ROBO1: variants seen among roughly 807,000 people sequenced by gnomAD.
The protein encoded by ROBO1 is roundabout guidance receptor 1, also known as roundabout homolog 1.
A neutral mutation model predicts 195.9 loss-of-function variants in ROBO1; 149 were observed. The ratio of observed to expected loss-of-function variants is 0.76; its 90% CI spans 0.67 to 0.87. The LOEUF (loss-of-function observed/expected upper bound fraction) is 0.87, where lower values mean the gene tolerates loss of function less well. ROBO1 is among the 40% of genes least tolerant of loss of function. The pLI is 0.00. For synonymous variants in ROBO1, 816 were observed against 733.2 expected, an observed-to-expected ratio of 1.11 and a Z score of -1.82; for missense variants, 1,933 against 2,068.3, an observed-to-expected ratio of 0.93 and a Z score of 1.27.
intron 3 of ROBO1, among the ~76,000 whole-genome samples, chr3:78,968,253 A>G (rs1355776856): frequency 6.7e-6 from 1 of 148,750 alleles, no homozygotes; most frequent in African/African-American, 2.5e-5. Context: ...ATGTCACTTT[A>G]TAGGAACTGT....
chr3:79,343,081 T>C (rs2109232137), intron 2 of ROBO1, among the ~76,000 whole-genome samples: 1 of 152,310 alleles, frequency 6.6e-6, no homozygotes, highest in Middle Eastern at 3.4e-3. Flanking sequence ...CGGAATGTCA[T>C]ATTGTTGGAA....
At chr3:79,517,716 G>A (rs1469663871) in intron 2 of ROBO1, among the ~76,000 whole-genome samples, 1 of 152,098 alleles carries the variant, frequency 6.6e-6, no homozygotes. Flanking sequence ...TTCTTGTATG[G>A]CCCAAGGTAG....
intron 2 of ROBO1, among the ~76,000 whole-genome samples, chr3:79,158,470 T>C (rs1453970142): frequency 6.6e-6 from 1 of 151,680 alleles, no homozygotes; most frequent in African/African-American, 2.4e-5. Context: ...ATTAGTAATT[T>C]CCTTTAATAC....
intron 4 of ROBO1, among the ~76,000 whole-genome samples, chr3:78,867,674 G>A (rs751913794): frequency 3.9e-5 from 6 of 152,036 alleles, no homozygotes; most frequent in East Asian, 1.9e-4. Flanking sequence ...ATTTTGCTCC[G>A]GATATCTATA....
At position 79,063,692 on chromosome 3, in the gene ROBO1, C is replaced by T. The variant is rs998892379; in HGVS notation, c.172+61764G>A. Among the ~76,000 whole-genome samples the T allele has an allele frequency of 1.1e-4, 16 of 151,784 alleles. No homozygotes were observed. The East Asian group carries it at 1.6e-3, about 15-fold the overall frequency. ...CCAATGGTGTCCTAGTTCAGCATGC[C>T]GCAGCTCCAGAGAGTTGATTGTAAA... is the stretch of plus-strand genomic sequence containing the variant. On this transcript the variant is annotated intron_variant, in intron 3 of 30. Coordinates refer to ENST00000464233, the MANE Select transcript of ROBO1 (RefSeq NM_002941.4).
At chr3:78,864,815 G>T (rs1245616032) in intron 4 of ROBO1, among the ~76,000 whole-genome samples, 3 of 151,082 alleles carry the variant, frequency 2.0e-5, no homozygotes, top group Admixed American at 1.3e-4. Context: ...AAAAAAAAAA[G>T]ATTTTTCTTT....
intron 4 of ROBO1, among the ~76,000 whole-genome samples, chr3:78,801,797 T>G (rs569297618): frequency 2.9e-4 from 44 of 152,216 alleles, no homozygotes; most frequent in African/African-American, 1.0e-3. Flanking sequence ...TCTAAATAAT[T>G]TACAAACAGG....
chr3:79,572,513 T>C (rs900832003), intron 2 of ROBO1, among the ~76,000 whole-genome samples: 1 of 152,070 alleles, frequency 6.6e-6, no homozygotes, highest in African/African-American at 2.4e-5. Context: ...GTATTGTCCA[T>C]TTATAAAATT....
chr3:78,647,722 A>C, intron 19 of ROBO1, 67 bp from the exon 20 acceptor site: 1 of 1,280,580 alleles, frequency 7.8e-7, no homozygotes, highest in Non-Finnish European at 1.1e-6. Context: ...ATATCACATT[A>C]GTATAAATCA....
At chr3:79,241,531 C>T (rs2082517244) in intron 2 of ROBO1, among the ~76,000 whole-genome samples, 1 of 151,940 alleles carries the variant, frequency 6.6e-6, no homozygotes, top group African/African-American at 2.4e-5. Flanking sequence ...TAAGTTAAAA[C>T]ATTGCCTGGC....
At position 78,614,724 on chromosome 3, in the gene ROBO1, G is replaced by A. The variant is rs775367708; in HGVS notation, c.4359C>T (p.Ala1453=). ...PVSTDSNMSA[A]VMQKTRPAKK... ...TGGCTGGTCTGGTTTTCTGCATTACGGCGGCACTCATGTTGCTGTCTGTAG... is the reference window on the plus strand; with the variant it reads ...TGGCTGGTCTGGTTTTCTGCATTACAGCGGCACTCATGTTGCTGTCTGTAG... The change falls in exon 28 of 31, where the codon GCC becomes GCT. Residue 1453 remains alanine (A), a synonymous_variant. Transcript: ENST00000464233. 13 of 1,613,270 alleles carry A rather than the reference G, an allele frequency of 8.1e-6. No homozygotes were observed. Among genetic ancestry groups the A allele is most frequent in the African/African-American group, 4.0e-5 (3 of 74,758 alleles).
intron 3 of ROBO1, among the ~76,000 whole-genome samples, chr3:79,081,049 T>C (rs2108461836): frequency 6.6e-6 from 1 of 152,146 alleles, no homozygotes; most frequent in African/African-American, 2.4e-5. Flanking sequence ...GAAGAAAATT[T>C]CCATAGAAGA....
intron 4 of ROBO1, among the ~76,000 whole-genome samples, chr3:78,847,417 T>C (rs2033741547): frequency 6.6e-6 from 1 of 152,102 alleles, no homozygotes; most frequent in African/African-American, 2.4e-5. Context: ...CTCGTGGAGA[T>C]TAGTTCCGCC....
intron 2 of ROBO1, among the ~76,000 whole-genome samples, chr3:79,135,404 C>A (rs2080385856): frequency 6.6e-6 from 1 of 151,938 alleles, no homozygotes; most frequent in African/African-American, 2.4e-5. Flanking sequence ...ATACAGTATA[C>A]AATATCAGCT....
At chr3:79,237,576 T>C (rs149847339) in intron 2 of ROBO1, among the ~76,000 whole-genome samples, 1 of 152,184 alleles carries the variant, frequency 6.6e-6, no homozygotes, top group Non-Finnish European at 1.5e-5. Flanking sequence ...GGTAAAGAGA[T>C]TGTTATGCAT....
chr3:79,290,728 T>G (rs185925315), intron 2 of ROBO1, among the ~76,000 whole-genome samples: 2 of 152,314 alleles, frequency 1.3e-5, no homozygotes, highest in Admixed American at 1.3e-4. Context: ...TCCTTGTTCT[T>G]TGGGATTGAG....
At chr3:79,672,182 T>C (rs1946652719) in intron 1 of ROBO1, among the ~76,000 whole-genome samples, 1 of 151,996 alleles carries the variant, frequency 6.6e-6, no homozygotes, top group Non-Finnish European at 1.5e-5. Context: ...ACCACAATAA[T>C]GCACAGCATG....
At chr3:78,653,408 C>T (rs1706800622) in intron 18 of ROBO1, among the ~76,000 whole-genome samples, 1 of 152,148 alleles carries the variant, frequency 6.6e-6, no homozygotes, top group Non-Finnish European at 1.5e-5. Flanking sequence ...AATGTGACCT[C>T]CTGGAACTTG....
chr3:78,651,700 T>C, intron 19 of ROBO1, 32 bp downstream of exon 19: 1 of 1,483,574 alleles, frequency 6.7e-7, no homozygotes, highest in Admixed American at 2.3e-5. Context: ...TTTATAAACA[T>C]TAAAATATGA....
Sources: allele counts gnomAD v4.1 joint callset (sites outside exome capture counted in the v4.1 genomes callset), GRCh38; gene constraint gnomAD v4.1.1; transcripts MANE v1.5; gene names NCBI Gene and HGNC (gene_info 2026-07-23, HGNC 2026-07-21).